The following SATB2 variants were observed in gnomAD, a reference collection of about 807,000 sequenced individuals.
SATB2 encodes the protein SATB homeobox 2.
Under a neutral mutation model 73.4 loss-of-function variants are expected in SATB2, and 1 was observed. That is an observed-to-expected ratio of 0.01 (90% CI 0.00 to 0.06). The LOEUF is 0.06. Ranked by LOEUF, SATB2 falls within the 10% of genes least tolerant of loss-of-function variation. The pLI is 1.00. For synonymous variants in SATB2, 397 were observed against 367.0 expected, an observed-to-expected ratio of 1.08 and a Z score of -0.93; for missense variants, 459 against 945.8, an observed-to-expected ratio of 0.49 and a Z score of 6.75.
chr2:199,434,992 T>C (rs924126606), intron 2 of SATB2, among the ~76,000 whole-genome samples: 2 of 152,134 alleles, frequency 1.3e-5, no homozygotes, highest in Non-Finnish European at 2.9e-5. Context: ...ATAATACTCA[T>C]TAAGAATTGT....
chr2:199,431,922 G>T (rs959073189), intron 3 of SATB2, among the ~76,000 whole-genome samples: 6 of 152,194 alleles, frequency 3.9e-5, no homozygotes, highest in Non-Finnish European at 5.9e-5. Flanking sequence ...AAAGTTTGTG[G>T]GGGGAAGGGA....
chr2:199,386,740 A>G (rs1207163207), intron 3 of SATB2, among the ~76,000 whole-genome samples: 1 of 146,042 alleles, frequency 6.8e-6, no homozygotes, highest in African/African-American at 2.7e-5. Flanking sequence ...ACACACACAC[A>G]CACACACACA....
intron 5 of SATB2, among the ~76,000 whole-genome samples, chr2:199,373,406 C>T (rs1466967690): frequency 6.6e-6 from 1 of 152,162 alleles, no homozygotes; most frequent in Non-Finnish European, 1.5e-5. Flanking sequence ...CATTTGGCAG[C>T]CTTCTACTAT....
chr2:199,358,564 C>T (rs1689052381), intron 6 of SATB2, among the ~76,000 whole-genome samples: 1 of 152,176 alleles, frequency 6.6e-6, no homozygotes, highest in Non-Finnish European at 1.5e-5. Flanking sequence ...GGGTTGAGAA[C>T]TTGCTTGCAA....
At chr2:199,306,372 G>A (rs973194451) in intron 10 of SATB2, among the ~76,000 whole-genome samples, 3 of 152,154 alleles carry the variant, frequency 2.0e-5, no homozygotes, top group South Asian at 2.1e-4. Flanking sequence ...GAAATGTGAC[G>A]TGCTGATGAG....
At position 199,273,439 on chromosome 2, in the gene SATB2, C is replaced by T. The variant is rs559689194; in HGVS notation, c.1741-767G>A. 2.6e-5 allele frequency among the ~76,000 whole-genome samples: 4 copies of T among 152,294 alleles called. No individual in the cohort carries two copies. The South Asian group carries it at 6.2e-4, about 24-fold the overall frequency. ...AATAAATGACAGTAATTATTATCAG[C>T]TTCATAATGACTCTTACAGTGTTAT... On this transcript the variant is annotated intron_variant, in intron 10 of 10. Coordinates refer to ENST00000417098, the MANE Select transcript of SATB2 (RefSeq NM_001172509.2).
At chr2:199,320,364 A>G (rs1687852278) in intron 9 of SATB2, among the ~76,000 whole-genome samples, 1 of 152,150 alleles carries the variant, frequency 6.6e-6, no homozygotes, top group Non-Finnish European at 1.5e-5. Flanking sequence ...TTAAAACACT[A>G]AACTGGTCCT....
At chr2:199,398,903 A>C (rs1201530225) in intron 3 of SATB2, among the ~76,000 whole-genome samples, 4 of 152,232 alleles carry the variant, frequency 2.6e-5, no homozygotes. Flanking sequence ...CTACGAGCTA[A>C]GTAAATCTTC....
intron 10 of SATB2, among the ~76,000 whole-genome samples, chr2:199,275,124 A>C (rs1045035930): frequency 4.6e-5 from 7 of 152,210 alleles, no homozygotes; most frequent in African/African-American, 1.7e-4. Flanking sequence ...CTGTAGTAAA[A>C]GTCAGCATAA....
At chr2:199,387,881 AT>A (rs1270890001) in intron 3 of SATB2, among the ~76,000 whole-genome samples, 1 of 152,164 alleles carries the variant, frequency 6.6e-6, no homozygotes, top group Non-Finnish European at 1.5e-5. Context: ...CCAGTTTTTT[AT>A]TTTCTCAATG....
chr2:199,414,157 A>G (rs1690906002), intron 3 of SATB2, among the ~76,000 whole-genome samples: 1 of 152,180 alleles, frequency 6.6e-6, no homozygotes, highest in Non-Finnish European at 1.5e-5. Context: ...ATACCAGCCA[A>G]GCAGAATTCA....
chr2:199,384,978 A>G (rs1002952816), intron 3 of SATB2, among the ~76,000 whole-genome samples: 13 of 152,290 alleles, frequency 8.5e-5, no homozygotes, highest in African/African-American at 3.1e-4. Flanking sequence ...TGTGTCTATA[A>G]AAGACTTTTG....
intron 7 of SATB2, among the ~76,000 whole-genome samples, chr2:199,332,173 G>T (rs1423529405): frequency 6.6e-6 from 1 of 152,104 alleles, no homozygotes; most frequent in Non-Finnish European, 1.5e-5. Flanking sequence ...TGCAAGTATT[G>T]AGTAAAGTGA....
intron 9 of SATB2, among the ~76,000 whole-genome samples, chr2:199,310,692 A>C (rs1687571929): frequency 6.6e-6 from 1 of 152,232 alleles, no homozygotes; most frequent in Non-Finnish European, 1.5e-5. Flanking sequence ...GGTATGTTTA[A>C]CATCTCCCAG....
At chr2:199,416,481 G>A (rs1690989925) in intron 3 of SATB2, among the ~76,000 whole-genome samples, 1 of 152,042 alleles carries the variant, frequency 6.6e-6, no homozygotes, top group Non-Finnish European at 1.5e-5. Context: ...GCAGGAGAGA[G>A]GTCTTCTTCA....
intron 6 of SATB2, 27 bp downstream of exon 6, chr2:199,368,578 G>T: frequency 7.7e-7 from 1 of 1,299,056 alleles, no homozygotes; most frequent in Non-Finnish European, 1.1e-6. Context: ...CTGAAAACAG[G>T]CTTTACAAAC....
At chr2:199,437,093 C>A (rs935766829) in intron 2 of SATB2, among the ~76,000 whole-genome samples, 1 of 152,076 alleles carries the variant, frequency 6.6e-6, no homozygotes, top group East Asian at 1.9e-4. Flanking sequence ...AAAAGAAAAT[C>A]TTGCTCTAGC....
intron 10 of SATB2, among the ~76,000 whole-genome samples, chr2:199,293,513 T>A (rs530034227): frequency 6.6e-6 from 1 of 152,226 alleles, no homozygotes; most frequent in East Asian, 1.9e-4. Context: ...CTATTATTAA[T>A]AATATTTTTT....
intron 3 of SATB2, among the ~76,000 whole-genome samples, chr2:199,405,620 CA>C (rs1459960862): frequency 1.3e-5 from 2 of 152,134 alleles, no homozygotes; most frequent in Non-Finnish European, 2.9e-5. Context: ...CCACCACTAT[CA>C]CTTTTTCAGG....
Sources: allele counts gnomAD v4.1 joint callset (sites outside exome capture counted in the v4.1 genomes callset), GRCh38; gene constraint gnomAD v4.1.1; transcripts MANE v1.5; gene names NCBI Gene and HGNC (gene_info 2026-07-23, HGNC 2026-07-21).